Variants in SNX24 observed in about 807,000 individuals in gnomAD.
SNX24 encodes sorting nexin-24.
A neutral mutation model predicts 28.7 loss-of-function variants in SNX24; 22 were observed. That is an observed-to-expected ratio of 0.77 (90% CI 0.55 to 1.10). SNX24 has a LOEUF of 1.10. Ranked by LOEUF, SNX24 falls within the 50% of genes least tolerant of loss-of-function variation. The pLI is 0.00. For missense variants in SNX24, 221 were observed against 201.1 expected (o/e 1.10, Z -0.60); for synonymous variants, 69 against 71.5 (o/e 0.96, Z 0.18).
chr5:122,849,209 A>G (rs1459981209), intron 1 of SNX24, among the ~76,000 whole-genome samples: 2 of 152,214 alleles, frequency 1.3e-5, no homozygotes, highest in African/African-American at 4.8e-5. Context: ...TTCTCAGTGT[A>G]CTAAGTAATT....
At chr5:122,868,082 T>C (rs1755799289) in intron 1 of SNX24, among the ~76,000 whole-genome samples, 1 of 152,230 alleles carries the variant, frequency 6.6e-6, no homozygotes, top group African/African-American at 2.4e-5. Context: ...CTGTATATCA[T>C]GTAGAACCAT....
At chr5:122,990,341 T>C (rs1440096953) in intron 3 of SNX24, among the ~76,000 whole-genome samples, 1 of 152,194 alleles carries the variant, frequency 6.6e-6, no homozygotes, top group Non-Finnish European at 1.5e-5. Context: ...TAAAATGGTG[T>C]TGGAAGTCTT....
At chr5:122,859,743 T>A (rs1325838480) in intron 1 of SNX24, among the ~76,000 whole-genome samples, 1 of 152,070 alleles carries the variant, frequency 6.6e-6, no homozygotes, top group Non-Finnish European at 1.5e-5. Flanking sequence ...TCCAAGGTGG[T>A]CAGGGTGCAG....
intron 1 of SNX24, among the ~76,000 whole-genome samples, chr5:122,935,345 C>A (rs1218481340): frequency 1.3e-5 from 2 of 151,900 alleles, no homozygotes; most frequent in Non-Finnish European, 2.9e-5. Flanking sequence ...GAATAATTTT[C>A]TCTGGTGAAT....
At chr5:122,845,816 CCG>C (rs2150025086) in intron 1 of SNX24, 123 bp downstream of exon 1, 1 of 482,030 alleles carries the variant, frequency 2.1e-6, no homozygotes, top group African/African-American at 2.0e-5. Context: ...CTCCCCTCCC[CCG>C]GCCCAGAGGA....
chr5:122,920,650 G>C (rs1758392873), intron 1 of SNX24, among the ~76,000 whole-genome samples: 1 of 152,134 alleles, frequency 6.6e-6, no homozygotes, highest in South Asian at 2.1e-4. Context: ...CAAATCCCCA[G>C]ATGTTATAGA....
At chr5:122,899,126 C>T (rs1013058710) in intron 1 of SNX24, among the ~76,000 whole-genome samples, 2 of 152,184 alleles carry the variant, frequency 1.3e-5, no homozygotes, top group Non-Finnish European at 2.9e-5. Context: ...AGATCTGTGC[C>T]CCACCTGAAG....
chr5:122,858,389 C>T (rs192068228), intron 1 of SNX24, among the ~76,000 whole-genome samples: 1 of 152,336 alleles, frequency 6.6e-6, no homozygotes, highest in Admixed American at 6.5e-5. Flanking sequence ...GTAATAAATG[C>T]AGTATCTGCA....
chr5:122,950,644 T>C (rs184352930), intron 3 of SNX24, among the ~76,000 whole-genome samples: 5 of 152,290 alleles, frequency 3.3e-5, no homozygotes, highest in African/African-American at 1.2e-4. Flanking sequence ...CAGATGTTTT[T>C]CCTGATCTCA....
chr5:122,929,907 G>T (rs1758875209), intron 1 of SNX24, among the ~76,000 whole-genome samples: 1 of 151,686 alleles, frequency 6.6e-6, no homozygotes, highest in African/African-American at 2.4e-5. Flanking sequence ...TTCAAAGAAG[G>T]TTCCTGAATG....
intron 3 of SNX24, among the ~76,000 whole-genome samples, chr5:122,956,696 G>A (rs1760232671): frequency 6.6e-6 from 1 of 152,108 alleles, no homozygotes; most frequent in African/African-American, 2.4e-5. Flanking sequence ...ATGAGCACCT[G>A]TTGTTCCCTG....
intron 1 of SNX24, among the ~76,000 whole-genome samples, chr5:122,870,545 A>G (rs1336251167): frequency 6.6e-6 from 1 of 152,238 alleles, no homozygotes; most frequent in East Asian, 1.9e-4. Context: ...TGGCTGCAAA[A>G]GTAGTGACAG....
At chr5:122,950,512 G>C (rs1407062496) in intron 3 of SNX24, among the ~76,000 whole-genome samples, 5 of 152,130 alleles carry the variant, frequency 3.3e-5, no homozygotes, top group Non-Finnish European at 7.4e-5. Context: ...TGGTACAAAA[G>C]GGCTGCAACA....
At chr5:122,921,861 C>T (rs553904792) in intron 1 of SNX24, among the ~76,000 whole-genome samples, 1 of 151,630 alleles carries the variant, frequency 6.6e-6, no homozygotes, top group African/African-American at 2.4e-5. Context: ...TTCTCGAATC[C>T]ATTGTTCTTT....
rs1561730695 is a variant in SNX24, at chr5:123,007,722, ATT to A, written c.486_487del (p.Phe162LeufsTer14). 6 of 1,590,802 alleles carry A rather than the reference ATT, an allele frequency of 3.8e-6. No individual in the cohort carries two copies. The Admixed American group carries it at 5.4e-5, about 14-fold the overall frequency. ...VVIEGVLHGIFYPHLQPR is the reference protein window; with the variant it reads ...VVIEGVLHGIXYPHLQPR ...TTATTGAAGGAGTCCTCCATGGGAT[ATT>A]TTACCCTCATCTACAGCCCAGGTAG... On this transcript the variant is annotated frameshift_variant, in exon 7 of 7. Coordinates refer to ENST00000261369, the MANE Select transcript of SNX24 (RefSeq NM_014035.4). LOFTEE classifies it high-confidence loss of function.
chr5:122,983,931 G>A (rs1761490687), intron 3 of SNX24, among the ~76,000 whole-genome samples: 1 of 152,168 alleles, frequency 6.6e-6, no homozygotes, highest in African/African-American at 2.4e-5. Context: ...TCATATTATT[G>A]TGATAGTCAT....
chr5:123,025,742 A>G, intron 5 of SNX24: 1 of 1,569,772 alleles, frequency 6.4e-7, no homozygotes, highest in African/African-American at 1.4e-5. Context: ...TACTCTCAAT[A>G]AAAATATAAA....
chr5:122,973,524 G>C (rs1304522291), intron 3 of SNX24, among the ~76,000 whole-genome samples: 1 of 152,184 alleles, frequency 6.6e-6, no homozygotes, highest in African/African-American at 2.4e-5. Context: ...GTGCAGGCTG[G>C]GGAGGAGAAG....
chr5:122,889,916 AT>A lies in SNX24; in HGVS notation c.60+44237del, dbSNP rs35217710. Reference sequence around the variant, plus strand: ...TTGTCCCAATAATGTCCTTGTTAGTATTTTTTTTTTTTTTGCTGGTACAAGA... The same window carrying A: ...TTGTCCCAATAATGTCCTTGTTAGTATTTTTTTTTTTTTGCTGGTACAAGA... On this transcript the variant is annotated intron_variant, in intron 1 of 6. Coordinates refer to ENST00000261369, the MANE Select transcript of SNX24 (RefSeq NM_014035.4). 8.9e-3 allele frequency among the ~76,000 whole-genome samples: 1,236 copies of A among 138,936 alleles called. 7 individuals are homozygous for A. Among genetic ancestry groups the A allele is most frequent in the Non-Finnish European group, 0.013 (819 of 63,728 alleles). The allele number at this position is 138,936 out of a possible 152,430, so 91.1% of individuals were successfully genotyped here.
Sources: gnomAD v4.1 joint callset for allele counts (sites outside exome capture counted in the v4.1 genomes callset) on GRCh38, gnomAD v4.1.1 for gene constraint, MANE v1.5 for transcripts, NCBI Gene and HGNC (gene_info 2026-07-23, HGNC 2026-07-21) for gene names.